BTF3: variants seen among roughly 807,000 people sequenced by gnomAD.
BTF3 encodes transcription factor BTF3.
In BTF3, 12 loss-of-function variants were observed where a neutral mutation model predicts 23.9. The observed-to-expected ratio is 0.50, with a 90% CI of 0.32 to 0.81. BTF3 has a LOEUF of 0.81. BTF3 is among the 40% of genes least tolerant of loss of function. BTF3 has a pLI of 0.03. For synonymous variants in BTF3, 96 were observed against 94.8 expected (o/e 1.01, Z -0.07); for missense variants, 215 against 255.9 (o/e 0.84, Z 1.09).
intron 1 of BTF3, 74 bp downstream of exon 1, chr5:73,498,873 G>T (rs1278900620): frequency 2.7e-6 from 4 of 1,486,084 alleles, no homozygotes; most frequent in East Asian, 2.5e-5. Context: ...AGGGCCAGGG[G>T]TGGGGGGTGC....
intron 2 of BTF3, chr5:73,499,441 A>G (rs889553507): frequency 1.7e-6 from 1 of 583,784 alleles, no homozygotes. Flanking sequence ...ACAGAGTGTA[A>G]GTAGAACACA....
rs1746340321 is a variant in BTF3 at position 73,498,674 on chromosome 5, C to T, written c.7C>T (p.Arg3Trp). Residue 3 changes from arginine (R) to tryptophan (W), a missense_variant, in exon 1 of 6, where the codon CGG becomes TGG. Arg to Trp is a moderately radical substitution (Grantham distance 101, BLOSUM62 -3). Coordinates refer to ENST00000380591, the MANE Select transcript of BTF3 (RefSeq NM_001037637.2). ...AGAGGAGGAGAGGAAGGCGATGCGA[C>T]GGACAGGCGCACCCGCTCAGGCTGA... MR[R>W]TGAPAQADSR... 4 of 1,498,022 alleles carry T rather than the reference C, an allele frequency of 2.7e-6. No individual in the cohort carries two copies. Among genetic ancestry groups the T allele is most frequent in the South Asian group, 2.5e-5 (2 of 78,684 alleles). 92.8% of individuals were successfully genotyped at this position (1,498,022 alleles called of 1,614,324 possible).
chr5:73,499,143 A>G lies in BTF3; in HGVS notation c.142A>G (p.Thr48Ala). ...TRGQEPQMKE[T>A]IMNQEKLAKL... ...TTTCCTCTTTTTCTAGATGAAAGAA[A>G]CAATCATGAACCAGGAAAAACTCGC... The change falls in exon 2 of 6, where the codon ACA (threonine) becomes GCA (alanine). Residue 48 changes from threonine to alanine, a missense_variant. Thr to Ala is a moderately conservative substitution (Grantham distance 58). Around this residue, in one of 2 missense-constraint regions of BTF3, gnomAD observed 116 missense variants for 84.7 expected, o/e 1.37. Transcript: ENST00000380591. The G allele has an allele frequency of 1.9e-6, 3 of 1,609,022 alleles. No individual in the cohort carries two copies. Among genetic ancestry groups the G allele is most frequent in the South Asian group, 2.2e-5 (2 of 90,386 alleles).
chr5:73,501,255 A>G (rs1441730682), intron 2 of BTF3, among the ~76,000 whole-genome samples: 1 of 152,074 alleles, frequency 6.6e-6, no homozygotes, highest in African/African-American at 2.4e-5. Flanking sequence ...GAATAGGAAT[A>G]GGGATGGAGG....
At chr5:73,504,470 A>C in intron 5 of BTF3, 67 bp downstream of exon 5, 1 of 1,349,894 alleles carries the variant, frequency 7.4e-7, no homozygotes, top group Non-Finnish European at 1.0e-6. Flanking sequence ...TCTTTGTAGG[A>C]AAAACTACCC....
chr5:73,499,038 G>T (rs1580356837), intron 1 of BTF3, 96 bp from the exon 2 acceptor site: 1 of 1,381,762 alleles, frequency 7.2e-7, no homozygotes, highest in African/African-American at 1.5e-5. Context: ...GCCTGTGTAG[G>T]ACGTTTATTT....
chr5:73,501,278 G>A (rs1439743967), intron 2 of BTF3, among the ~76,000 whole-genome samples: 4 of 152,212 alleles, frequency 2.6e-5, no homozygotes, highest in African/African-American at 9.6e-5. Flanking sequence ...GGGGGACGGT[G>A]AGGTGGTTGG....
intron 4 of BTF3, among the ~76,000 whole-genome samples, chr5:73,503,422 T>C (rs1311741905): frequency 6.6e-6 from 1 of 152,180 alleles, no homozygotes; most frequent in East Asian, 1.9e-4. Flanking sequence ...ACTTGTAAGT[T>C]TGGAATTGAA....
Position 73,498,607 on chromosome 5 carries a change from G to GAGACGAGGGTTGGAGACACATCAGTGAGA in BTF3, c.-61_-60insAGACGAGGGTTGGAGACACATCAGTGAGA. ...GCGTGGTAGGAGGACGGGAGCGGGG[G>GAGACGAGGGTTGGAGACACATCAGTGAGA]CGGGAAGTTCCCTGAAGGAGCGAGA... On this transcript the variant is annotated 5_prime_UTR_variant, in exon 1 of 6. Coordinates refer to ENST00000380591, the MANE Select transcript of BTF3 (RefSeq NM_001037637.2). 10 of 1,423,710 alleles carry GAGACGAGGGTTGGAGACACATCAGTGAGA rather than the reference G, an allele frequency of 7.0e-6. No homozygotes were observed. The Admixed American group carries it at 1.6e-4, about 23-fold the overall frequency. 88.2% of individuals were successfully genotyped at this position (1,423,710 alleles called of 1,614,324 possible).
At chr5:73,499,780 A>G (rs1206567648) in intron 2 of BTF3, 1 of 166,036 alleles carries the variant, frequency 6.0e-6, no homozygotes, top group Non-Finnish European at 1.3e-5. Flanking sequence ...TGATTTTTAA[A>G]TGATCAGTTT....
chr5:73,499,088 A>G (rs760309169), intron 1 of BTF3, 46 bp from the exon 2 acceptor site: 9 of 1,552,772 alleles, frequency 5.8e-6, no homozygotes, highest in Middle Eastern at 2.3e-4. Context: ...ATGGAATGCT[A>G]GAGTGAGCTA....
rs73103664 is a variant in BTF3, at chr5:73,500,329, T to C, written c.201+1127T>C. On this transcript the variant is annotated intron_variant, in intron 2 of 5. Transcript: ENST00000380591. ...GTCTCAGTGTTTGGATGCTCTTATA[T>C]TGGTGTTTTTAACCACTCTTACTTT... is the stretch of plus-strand genomic sequence containing the variant. Among the ~76,000 whole-genome samples the C allele has an allele frequency of 6.8e-3, 1,035 of 152,290 alleles. 8 individuals carry two copies. Among genetic ancestry groups the C allele is most frequent in the African/African-American group, 0.022 (930 of 41,560 alleles).
intron 4 of BTF3, 26 bp downstream of exon 4, chr5:73,503,143 C>A: frequency 1.2e-6 from 2 of 1,603,364 alleles, no homozygotes; most frequent in South Asian, 1.1e-5. Flanking sequence ...ATGGTTTTAC[C>A]AGGGAATTAC....
chr5:73,502,658 T>G, intron 3 of BTF3, 57 bp downstream of exon 3: 2 of 1,268,700 alleles, frequency 1.6e-6, no homozygotes, highest in Non-Finnish European at 2.1e-6. Flanking sequence ...AAAGTTAACG[T>G]TAATGCATTA....
At chr5:73,498,939 G>C (rs747069228) in intron 1 of BTF3, 140 bp downstream of exon 1, 10 of 1,366,938 alleles carry the variant, frequency 7.3e-6, no homozygotes, top group African/African-American at 1.5e-5. Context: ...GGGGAGCTGT[G>C]GGGGAGTGGT....
At chr5:73,502,664 C>T in intron 3 of BTF3, 63 bp downstream of exon 3, 1 of 1,138,522 alleles carries the variant, frequency 8.8e-7, no homozygotes, top group Non-Finnish European at 1.2e-6. Context: ...AACGTTAATG[C>T]ATTAAATGGG....
At position 73,498,490 on chromosome 5, in the gene BTF3, G is replaced by A; in HGVS notation, c.-178G>A. On this transcript the variant is annotated 5_prime_UTR_variant, in exon 1 of 6. It adds an upstream start codon to the 5' untranslated region. Coordinates refer to ENST00000380591, the MANE Select transcript of BTF3 (RefSeq NM_001037637.2). ...CCCGCGTGTGTGCGCCTAATCTCAGGTGGTCCACCCGAGACCCCTTGAGCA... is the reference window on the plus strand; with the variant it reads ...CCCGCGTGTGTGCGCCTAATCTCAGATGGTCCACCCGAGACCCCTTGAGCA... 3 of 841,440 alleles carry A rather than the reference G, an allele frequency of 3.6e-6. No individual in the cohort carries two copies. The highest frequency in any genetic ancestry group is 3.3e-6 in the Non-Finnish European group (2 of 604,046). The allele number at this position is 841,440 out of a possible 1,614,324, so 52.1% of individuals were successfully genotyped here.
intron 1 of BTF3, 104 bp from the exon 2 acceptor site, chr5:73,499,030 C>A: frequency 7.5e-7 from 1 of 1,337,992 alleles, no homozygotes; most frequent in Non-Finnish European, 1.0e-6. Context: ...AGGTTTCGGC[C>A]TGTGTAGGAC....
chr5:73,500,624 G>A (rs1431214041), intron 2 of BTF3, among the ~76,000 whole-genome samples: 1 of 152,224 alleles, frequency 6.6e-6, no homozygotes, highest in Non-Finnish European at 1.5e-5. Flanking sequence ...ATTATGGGAT[G>A]TGAAATTAGG....
Sources: gnomAD v4.1 joint callset for allele counts (sites outside exome capture counted in the v4.1 genomes callset) on GRCh38, gnomAD v4.1.1 for gene constraint, gnomAD v4.1.1 regional missense constraint, MANE v1.5 for transcripts, NCBI Gene and HGNC (gene_info 2026-07-23, HGNC 2026-07-21) for gene names.